Variants in MEGF11 observed in about 807,000 individuals in gnomAD.
MEGF11 encodes multiple EGF like domains 11.
Under a neutral mutation model 146.6 loss-of-function variants are expected in MEGF11, and 126 were observed. The observed-to-expected ratio is 0.86, with a 90% confidence interval of 0.74 to 1.00. The LOEUF (loss-of-function observed/expected upper bound fraction) is 1.00, where lower values mean the gene tolerates loss of function less well. Among genes scored for constraint, MEGF11 ranks in the 50% least tolerant of loss-of-function variants. MEGF11 has a pLI of 0.00. For synonymous variants in MEGF11, 532 were observed against 583.4 expected, an observed-to-expected ratio of 0.91 and a Z score of 1.27; for missense variants, 1,509 against 1,521.2, an observed-to-expected ratio of 0.99 and a Z score of 0.13.
rs2078418630 is a variant in MEGF11 at position 65,898,766 on chromosome 15, G to A, written c.3224C>T (p.Pro1075Leu). 1 of 1,613,848 alleles carries A rather than the reference G, an allele frequency of 6.2e-7. No individual in the cohort carries two copies. The highest frequency in any genetic ancestry group is 8.5e-7 in the Non-Finnish European group (1 of 1,179,826). ...ATTTTTATTAGATGTCGACAAGGAT[G>A]GCACATCTGTGTACGGAGACCCCAT... is the stretch of plus-strand genomic sequence containing the variant. ...VHMGSPYTDV[P>L]SLSTSNKNIY... Residue 1075 changes from proline to leucine, a missense_variant, in exon 25 of 26, where the codon CCA becomes CTA. Coordinates refer to ENST00000395614, the MANE Select transcript of MEGF11 (RefSeq NM_001385028.1).
intron 5 of MEGF11, among the ~76,000 whole-genome samples, chr15:66,032,423 G>A (rs2083558669): frequency 6.6e-6 from 1 of 152,202 alleles, no homozygotes; most frequent in Non-Finnish European, 1.5e-5. Flanking sequence ...AGTGAATGCT[G>A]GAAAAAGTCT....
At chr15:65,935,322 G>GAAAAAAAAAAA (rs71139449) in intron 10 of MEGF11, among the ~76,000 whole-genome samples, 6 of 35,204 alleles carry the variant, frequency 1.7e-4, no homozygotes, top group Non-Finnish European at 2.9e-4. Flanking sequence ...TCCGTCTCAA[G>GAAAAAAAAAAA]AAAAAAAAAA....
At chr15:66,069,269 C>T (rs942053126) in intron 5 of MEGF11, among the ~76,000 whole-genome samples, 33 of 152,252 alleles carry the variant, frequency 2.2e-4, no homozygotes, top group Non-Finnish European at 4.1e-4. Context: ...ATGATTAATC[C>T]GAAACTTTAT....
chr15:66,188,106 A>C (rs1432637953), intron 1 of MEGF11, among the ~76,000 whole-genome samples: 1 of 149,206 alleles, frequency 6.7e-6, no homozygotes, highest in East Asian at 2.0e-4. Flanking sequence ...GCCTCTATGC[A>C]CTAATGTAGT....
chr15:66,145,909 C>T (rs944988769), intron 1 of MEGF11, among the ~76,000 whole-genome samples: 2 of 152,120 alleles, frequency 1.3e-5, no homozygotes, highest in Non-Finnish European at 2.9e-5. Context: ...TAATTACACA[C>T]GGTATCTGGA....
intron 5 of MEGF11, among the ~76,000 whole-genome samples, chr15:65,998,343 G>A (rs1259894541): frequency 6.6e-6 from 1 of 152,130 alleles, no homozygotes; most frequent in African/African-American, 2.4e-5. Flanking sequence ...GCCCAGTGCC[G>A]GTGAGATGCA....
chr15:66,116,500 A>G (rs2087736426), intron 4 of MEGF11, among the ~76,000 whole-genome samples: 1 of 152,202 alleles, frequency 6.6e-6, no homozygotes, highest in African/African-American at 2.4e-5. Context: ...GCAACTATCC[A>G]TCATCTGTAT....
chr15:66,048,376 C>T (rs907442942), intron 5 of MEGF11, among the ~76,000 whole-genome samples: 16 of 152,352 alleles, frequency 1.1e-4, no homozygotes, highest in East Asian at 9.6e-4. Flanking sequence ...GGGGTGACCC[C>T]GCAGGCACCC....
At chr15:66,103,156 C>A (rs151039634) in intron 4 of MEGF11, among the ~76,000 whole-genome samples, 767 of 152,328 alleles carry the variant, frequency 5.0e-3, no homozygotes, top group Non-Finnish European at 8.3e-3. Flanking sequence ...GGTGACCGCA[C>A]ACAGTGGGGG....
chr15:66,043,300 A>T (rs1451525168), intron 5 of MEGF11, among the ~76,000 whole-genome samples: 2 of 152,228 alleles, frequency 1.3e-5, no homozygotes, highest in African/African-American at 4.8e-5. Context: ...AGGGCTGACC[A>T]GCTCTGTGGG....
chr15:66,039,283 A>AC (rs2083854069), intron 5 of MEGF11, among the ~76,000 whole-genome samples: 1 of 152,086 alleles, frequency 6.6e-6, no homozygotes, highest in South Asian at 2.1e-4. Flanking sequence ...AACTGCGGTG[A>AC]CCCCACCCAC....
chr15:66,025,229 G>A (rs927070669), intron 5 of MEGF11, among the ~76,000 whole-genome samples: 36 of 152,168 alleles, frequency 2.4e-4, no homozygotes, highest in African/African-American at 8.4e-4. Context: ...AAACACACCC[G>A]CATTCTCCTC....
At chr15:65,997,079 C>T (rs2082221164) in intron 5 of MEGF11, among the ~76,000 whole-genome samples, 1 of 152,186 alleles carries the variant, frequency 6.6e-6, no homozygotes, top group Non-Finnish European at 1.5e-5. Context: ...TCCATTTGTC[C>T]CCAGGCAGGG....
At chr15:66,253,476 G>C (rs1322073193) in intron 1 of MEGF11, 129 bp downstream of exon 1, 3 of 152,216 alleles carry the variant, frequency 2.0e-5, no homozygotes, top group African/African-American at 7.2e-5. Flanking sequence ...GGGGTCCGCG[G>C]AGCTGGTGGA....
intron 1 of MEGF11, among the ~76,000 whole-genome samples, chr15:66,227,322 C>G (rs1023499288): frequency 6.6e-5 from 10 of 152,092 alleles, no homozygotes; most frequent in African/African-American, 2.2e-4. Context: ...TTGCTGAGCC[C>G]AGTGCCTGCC....
At chr15:66,211,001 G>A (rs1057282605) in intron 1 of MEGF11, among the ~76,000 whole-genome samples, 10 of 152,098 alleles carry the variant, frequency 6.6e-5, no homozygotes, top group Non-Finnish European at 1.2e-4. Flanking sequence ...CTTCTAGCCT[G>A]CTCTGGACCA....
intron 10 of MEGF11, among the ~76,000 whole-genome samples, chr15:65,944,622 G>GGTGA (rs1465192885): frequency 6.6e-6 from 1 of 152,178 alleles, no homozygotes; most frequent in East Asian, 1.9e-4. Context: ...CCCTAGAGCA[G>GGTGA]GTGAGTGACT....
At chr15:66,070,110 G>A (rs983314201) in intron 5 of MEGF11, among the ~76,000 whole-genome samples, 2 of 152,234 alleles carry the variant, frequency 1.3e-5, no homozygotes, top group Non-Finnish European at 2.9e-5. Context: ...TGGAGTGAAA[G>A]TCACTCTGTC....
chr15:66,100,927 G>A (rs2086775442), intron 4 of MEGF11, among the ~76,000 whole-genome samples: 1 of 150,438 alleles, frequency 6.6e-6, no homozygotes, highest in African/African-American at 2.4e-5. Flanking sequence ...TGGGTAGGTA[G>A]GTGAGCAAGC....
Sources: allele counts gnomAD v4.1 joint callset (sites outside exome capture counted in the v4.1 genomes callset), GRCh38; gene constraint gnomAD v4.1.1; transcripts MANE v1.5; gene names NCBI Gene and HGNC (gene_info 2026-07-23, HGNC 2026-07-21).